The following VPS53 variants were observed in gnomAD, a reference collection of about 807,000 sequenced individuals.
VPS53 encodes vacuolar protein sorting-associated protein 53 homolog.
Under a neutral mutation model 107.0 loss-of-function variants are expected in VPS53, and 70 were observed. The ratio of observed to expected loss-of-function variants is 0.65; its 90% CI spans 0.54 to 0.80. The LOEUF is 0.80. VPS53 is among the 30% of genes least tolerant of loss of function. VPS53 has a pLI of 0.00. For missense variants in VPS53, 917 were observed against 1,049.4 expected (o/e 0.87, Z 1.74); for synonymous variants, 409 against 393.3 (o/e 1.04, Z -0.47).
chr17:527,881 G>C (rs908138013), intron 19 of VPS53, among the ~76,000 whole-genome samples: 1 of 152,204 alleles, frequency 6.6e-6, no homozygotes. Flanking sequence ...CAGAGTGCTA[G>C]GATTACAGGC....
At position 709,149 on chromosome 17, in the gene VPS53, G is replaced by A. The variant is rs184290628; in HGVS notation, c.168+1384C>T. Among the ~76,000 whole-genome samples the A allele has an allele frequency of 8.9e-4, 135 of 151,728 alleles. 1 individual carries two copies. The highest frequency in any genetic ancestry group is 1.3e-3 in the Non-Finnish European group (89 of 67,866). On this transcript the variant is annotated intron_variant, in intron 2 of 21. Transcript: ENST00000437048. ...TTATTTAAAGGACCCTCCGCAGCAC[G>A]CTCTGTCACGGAACCTGCCTGGTAT... is the stretch of plus-strand genomic sequence containing the variant.
rs996757425 is a variant in VPS53 at position 521,763 on chromosome 17, A to G, written c.2086-25T>C. 12 of 1,489,488 alleles carry G rather than the reference A, an allele frequency of 8.1e-6. No individual in the cohort carries two copies. In the African/African-American group the frequency reaches 1.5e-4, roughly 19 times the overall value. 92.3% of individuals were successfully genotyped at this position (1,489,488 alleles called of 1,614,324 possible). The stretch of plus-strand genomic sequence containing the variant: ...GCTGTGGAGCAAAGCAGAGAGCATT[A>G]CCGGCCCCTTCCAGCGACCCAGTGC... On this transcript the variant is annotated intron_variant, in intron 19 of 21. Coordinates refer to ENST00000437048, the MANE Select transcript of VPS53 (RefSeq NM_001128159.3).
intron 12 of VPS53, among the ~76,000 whole-genome samples, chr17:594,545 G>A (rs1363383910): frequency 6.7e-6 from 1 of 149,560 alleles, no homozygotes; most frequent in African/African-American, 2.5e-5. Context: ...CCTGGAGGAA[G>A]CTGGGAGATG....
Position 710,607 on chromosome 17 carries a change from G to T in VPS53, c.94C>A (p.Pro32Thr). 6.2e-7 allele frequency: 1 copy of T among 1,611,188 alleles called. No homozygotes were observed. Among genetic ancestry groups the T allele is most frequent in the South Asian group, 1.1e-5 (1 of 91,024 alleles). The change falls in exon 2 of 22, where the codon CCA becomes ACA. Residue 32 changes from proline (P) to threonine (T), a missense_variant. Pro to Thr is a conservative substitution (Grantham distance 38). Coordinates refer to ENST00000437048, the MANE Select transcript of VPS53 (RefSeq NM_001128159.3). The part of the protein sequence containing the change: ...EVQLAIEQVF[P>T]SQDPLDRADF... ...GCTCGATCTAGAGGGTCCTGGCTTG[G>T]AAACACCTATATAGAAAGAGAGGAG... is the stretch of plus-strand genomic sequence containing the variant.
Position 517,474 on chromosome 17 carries a change from T to C in VPS53, c.*1654A>G. The C allele has an allele frequency of 2.5e-6, 1 of 398,706 alleles. No individual in the cohort carries two copies. The highest frequency in any genetic ancestry group is 1.3e-4 in the South Asian group (1 of 7,864). The allele number at this position is 398,706 out of a possible 1,614,324, so 24.7% of individuals were successfully genotyped here. A position where few individuals can be genotyped will look rare whatever the true frequency, so the allele number is the denominator to read the frequency against. ...CAGGCAGATTTCCAAACCTTATTCC[T>C]ACTGTACGGCTGTTACAAGTTTTAT... On this transcript the variant is annotated 3_prime_UTR_variant, in exon 22 of 22. Coordinates refer to ENST00000437048, the MANE Select transcript of VPS53 (RefSeq NM_001128159.3).
chr17:602,025 C>T (rs1597368447), intron 11 of VPS53, 129 bp from the exon 12 acceptor site: 4 of 557,250 alleles, frequency 7.2e-6, no homozygotes, highest in Non-Finnish European at 8.6e-6. Flanking sequence ...AGAACTGAGG[C>T]AACCCAGACC....
chr17:708,799 T>C (rs1342082006), intron 2 of VPS53, among the ~76,000 whole-genome samples: 1 of 152,250 alleles, frequency 6.6e-6, no homozygotes, highest in African/African-American at 2.4e-5. Context: ...TTGGTCGTAA[T>C]AATGAAACAA....
intron 2 of VPS53, among the ~76,000 whole-genome samples, chr17:706,598 G>T (rs1270190390): frequency 6.6e-6 from 1 of 151,660 alleles, no homozygotes; most frequent in Non-Finnish European, 1.5e-5. Context: ...CCTATAATCT[G>T]TTACTGTGAG....
At chr17:602,053 C>T (rs1249678661) in intron 11 of VPS53, among the ~76,000 whole-genome samples, 157 bp from the exon 12 acceptor site, 1 of 152,210 alleles carries the variant, frequency 6.6e-6, no homozygotes, top group Admixed American at 6.5e-5. Context: ...TGCCTCCGGG[C>T]CTTCACAGTG....
Position 551,855 on chromosome 17 carries a change from A to AT in VPS53, c.1866+16dup. 1 of 1,574,888 alleles carries AT rather than the reference A, an allele frequency of 6.3e-7. No homozygotes were observed. The highest frequency in any genetic ancestry group is 1.3e-5 in the African/African-American group (1 of 74,336). ...TGCTCTCGTTAGTTTGTAGGATGCC[A>AT]TTTCCCAAGACCTTACCTTGCTCAT... On this transcript the variant is annotated intron_variant, in intron 17 of 21. Transcript: ENST00000437048.
intron 14 of VPS53, 90 bp from the exon 15 acceptor site, chr17:560,663 G>A (rs971566877): frequency 2.0e-6 from 3 of 1,478,648 alleles, no homozygotes; most frequent in Non-Finnish European, 2.7e-6. Context: ...ACAGAAAAGG[G>A]GGAAGTAAAG....
At chr17:620,063 T>G (rs1180561525) in intron 11 of VPS53, among the ~76,000 whole-genome samples, 1 of 152,204 alleles carries the variant, frequency 6.6e-6, no homozygotes, top group Non-Finnish European at 1.5e-5. Flanking sequence ...CCCTTGTTAC[T>G]AAAAAGAAAT....
chr17:553,520 CACAATAATAGTTA>C (rs889968811), intron 15 of VPS53, 58 bp from the exon 16 acceptor site: 2 of 1,258,416 alleles, frequency 1.6e-6, no homozygotes, highest in Non-Finnish European at 2.3e-6. Flanking sequence ...GAAGTACCAT[CACAATAATAGTTA>C]ACATTTACTG....
intron 6 of VPS53, among the ~76,000 whole-genome samples, chr17:655,315 T>TAAAAAGTAGATTGAA (rs60550992): frequency 0.99 from 149,736 of 151,620 alleles, 73,963 homozygotes; most frequent in South Asian, 1. Context: ...ATCTACTTTA[T>TAAAAAGTAGATTGAA]AAAAAAAAGT....
chr17:647,782 A>G (rs1452234809), intron 7 of VPS53, among the ~76,000 whole-genome samples: 1 of 152,200 alleles, frequency 6.6e-6, no homozygotes, highest in Non-Finnish European at 1.5e-5. Flanking sequence ...GGAGCGTCAG[A>G]AATAATAAAA....
intron 7 of VPS53, among the ~76,000 whole-genome samples, chr17:642,476 GAAACCGAGGA>G: frequency 6.6e-6 from 1 of 151,328 alleles, no homozygotes. Context: ...CTCATACTTG[GAAACCGAGGA>G]CAACACTCAT....
At chr17:698,331 G>A (rs1973059250) in intron 3 of VPS53, among the ~76,000 whole-genome samples, 1 of 151,698 alleles carries the variant, frequency 6.6e-6, no homozygotes, top group Non-Finnish European at 1.5e-5. Context: ...TACTTGGGTG[G>A]CTGAGGCTCA....
rs1188445075 is a variant in VPS53, at chr17:537,136, G to A, written c.1907C>T (p.Pro636Leu). ...QNVEHVGDQS[P>L]YVTSVILHIK... Reference sequence around the variant, plus strand: ...GTGCAGAATGACAGAGGTGACGTAGGGGCTCTGGTCACCAACGTGCTCCAC... The same window carrying A: ...GTGCAGAATGACAGAGGTGACGTAGAGGCTCTGGTCACCAACGTGCTCCAC... Residue 636 changes from proline to leucine, a missense_variant, in exon 18 of 22, where the codon CCC becomes CTC. Coordinates refer to ENST00000437048, the MANE Select transcript of VPS53 (RefSeq NM_001128159.3). The A allele has an allele frequency of 2.5e-6, 4 of 1,614,088 alleles. No individual in the cohort carries two copies. The South Asian group carries it at 4.4e-5, about 18-fold the overall frequency.
intron 4 of VPS53, among the ~76,000 whole-genome samples, chr17:662,276 C>A (rs1971465867): frequency 2.6e-5 from 4 of 152,280 alleles, no homozygotes; most frequent in Admixed American, 2.0e-4. Context: ...AAGCTCTGGA[C>A]TTGGAAGTTC....
Sources: allele counts gnomAD v4.1 joint callset (sites outside exome capture counted in the v4.1 genomes callset), GRCh38; gene constraint gnomAD v4.1.1; transcripts MANE v1.5; gene names NCBI Gene and HGNC (gene_info 2026-07-23, HGNC 2026-07-21).